ITGA9: variants seen among roughly 807,000 people sequenced by gnomAD.
ITGA9 encodes integrin subunit alpha 9.
ITGA9 carries 56 observed loss-of-function variants against 127.8 expected under a neutral mutation model. The ratio of observed to expected loss-of-function variants is 0.44; its 90% confidence interval spans 0.35 to 0.55. The LOEUF (loss-of-function observed/expected upper bound fraction) is 0.55. ITGA9 is among the 20% of genes least tolerant of loss of function. The pLI is 0.00. For missense variants in ITGA9, 1,196 were observed against 1,347.1 expected, an observed-to-expected ratio of 0.89 and a Z score of 1.76; for synonymous variants, 508 against 514.5, an observed-to-expected ratio of 0.99 and a Z score of 0.17.
chr3:37,705,996 G>A (rs1272852414), intron 18 of ITGA9, among the ~76,000 whole-genome samples: 6 of 152,206 alleles, frequency 3.9e-5, no homozygotes, highest in African/African-American at 1.4e-4. Flanking sequence ...TTCTCTTCCT[G>A]GTGGGGACTT....
intron 26 of ITGA9, among the ~76,000 whole-genome samples, chr3:37,792,412 A>G (rs1697122676): frequency 6.6e-6 from 1 of 152,172 alleles, no homozygotes; most frequent in Admixed American, 6.5e-5. Flanking sequence ...AGCCTGCTTT[A>G]GATTGGGGGT....
At chr3:37,754,648 A>G (rs1696628665) in intron 23 of ITGA9, among the ~76,000 whole-genome samples, 1 of 152,198 alleles carries the variant, frequency 6.6e-6, no homozygotes, top group Non-Finnish European at 1.5e-5. Context: ...AGATATATCA[A>G]TGTCTTTGCC....
intron 15 of ITGA9, among the ~76,000 whole-genome samples, chr3:37,587,140 G>A (rs1699766863): frequency 6.6e-6 from 1 of 152,088 alleles, no homozygotes; most frequent in Non-Finnish European, 1.5e-5. Flanking sequence ...CATTACAATA[G>A]CATCTAGTAA....
intron 17 of ITGA9, among the ~76,000 whole-genome samples, chr3:37,664,971 CTTT>C (rs34608197): frequency 7.3e-5 from 9 of 122,534 alleles, no homozygotes; most frequent in Admixed American, 8.3e-5. Context: ...GAGTAGCTGG[CTTT>C]TTTTTTTTTT....
chr3:37,701,201 A>G (rs985650316), intron 18 of ITGA9, among the ~76,000 whole-genome samples: 5 of 152,208 alleles, frequency 3.3e-5, no homozygotes, highest in African/African-American at 4.8e-5. Flanking sequence ...GGCCCTTGAT[A>G]GGGCTGGAGT....
chr3:37,554,252 G>A (rs1699407997), intron 15 of ITGA9, among the ~76,000 whole-genome samples: 1 of 152,158 alleles, frequency 6.6e-6, no homozygotes. Flanking sequence ...TGACCTCACT[G>A]ACGAGGTGTG....
chr3:37,513,585 C>T (rs111289680), intron 8 of ITGA9, among the ~76,000 whole-genome samples, 178 bp from the exon 9 acceptor site: 3 of 149,142 alleles, frequency 2.0e-5, no homozygotes, highest in Non-Finnish European at 3.0e-5. Flanking sequence ...ATCCCTCCCC[C>T]CTCCCCCAAC....
intron 21 of ITGA9, among the ~76,000 whole-genome samples, chr3:37,743,057 G>A (rs1380240611): frequency 6.6e-6 from 1 of 152,158 alleles, no homozygotes; most frequent in African/African-American, 2.4e-5. Flanking sequence ...CTTGTTGGGA[G>A]GTGTTAACAG....
intron 15 of ITGA9, among the ~76,000 whole-genome samples, chr3:37,601,884 C>T (rs763362116): frequency 6.6e-6 from 1 of 152,156 alleles, no homozygotes; most frequent in Non-Finnish European, 1.5e-5. Flanking sequence ...GCCAGGCATC[C>T]GCTTTGGGTG....
intron 15 of ITGA9, among the ~76,000 whole-genome samples, chr3:37,590,871 T>A (rs1274256677): frequency 6.6e-6 from 1 of 152,166 alleles, no homozygotes; most frequent in Non-Finnish European, 1.5e-5. Context: ...TCCACATAGA[T>A]GCAGGGCACC....
At chr3:37,668,315 CCT>C (rs1700604897) in intron 17 of ITGA9, among the ~76,000 whole-genome samples, 1 of 152,178 alleles carries the variant, frequency 6.6e-6, no homozygotes, top group Non-Finnish European at 1.5e-5. Context: ...GCTGAGTCTA[CCT>C]CACAGGTGTG....
chr3:37,471,254 C>G lies in ITGA9; in HGVS notation c.313+120C>G, dbSNP rs1698428314. 4 of 1,126,628 alleles carry G rather than the reference C, an allele frequency of 3.6e-6. 1 individual carries two copies. The highest frequency in any genetic ancestry group is 3.0e-5 in the African/African-American group (2 of 65,686). 69.8% of individuals were successfully genotyped at this position (1,126,628 alleles called of 1,614,324 possible). ...TCCATCCTTCCCTCCTTCCCTCCCTCCTTCTCTCCAACAAGCATGTATTGA... is the reference window on the plus strand; with the variant it reads ...TCCATCCTTCCCTCCTTCCCTCCCTGCTTCTCTCCAACAAGCATGTATTGA... On this transcript the variant is annotated intron_variant, in intron 2 of 27. Transcript: ENST00000264741.
intron 18 of ITGA9, among the ~76,000 whole-genome samples, chr3:37,716,966 G>A (rs1344888789): frequency 6.6e-6 from 1 of 152,094 alleles, no homozygotes; most frequent in Admixed American, 6.6e-5. Context: ...TTCTAATTGC[G>A]TATTGATCAC....
intron 8 of ITGA9, among the ~76,000 whole-genome samples, chr3:37,512,821 A>G (rs1456295688): frequency 1.3e-5 from 2 of 151,864 alleles, no homozygotes; most frequent in South Asian, 2.1e-4. Context: ...ACCACTCCCT[A>G]TTGTTATGTA....
chr3:37,628,228 G>T lies in ITGA9; in HGVS notation c.1690-959G>T, dbSNP rs181647170. Reference sequence around the variant, plus strand: ...CTTTCCTTTGACACGTCTCAGACTTGCCCTGCTCCACTTGGAAGTCCTTGG... The same window carrying T: ...CTTTCCTTTGACACGTCTCAGACTTTCCCTGCTCCACTTGGAAGTCCTTGG... On this transcript the variant is annotated intron_variant, in intron 15 of 27. Transcript: ENST00000264741. Among the ~76,000 whole-genome samples the T allele has an allele frequency of 8.7e-3, 1,320 of 152,080 alleles. 14 individuals carry two copies. The highest frequency in any genetic ancestry group is 8.8e-3 in the Non-Finnish European group (597 of 67,978).
chr3:37,542,386 C>G lies in ITGA9; in HGVS notation c.1529-39C>G, dbSNP rs150893934. On this transcript the variant is annotated intron_variant, in intron 14 of 27. Transcript: ENST00000264741. ...AAGAGGTGGCCTCATCACAGTGTGT[C>G]GGTCCTTTCTGACATTTTGACCTCT... The G allele has an allele frequency of 1.9e-5, 31 of 1,609,472 alleles. No individual in the cohort carries two copies. In the African/African-American group the frequency reaches 2.4e-4, roughly 12 times the overall value.
intron 26 of ITGA9, among the ~76,000 whole-genome samples, chr3:37,801,822 G>A (rs959068823): frequency 3.3e-5 from 5 of 152,166 alleles, no homozygotes; most frequent in African/African-American, 7.2e-5. Flanking sequence ...CTGTCTTGCG[G>A]ATGAGAAAAC....
At chr3:37,773,612 T>C (rs1467109692) in intron 23 of ITGA9, among the ~76,000 whole-genome samples, 2 of 151,696 alleles carry the variant, frequency 1.3e-5, no homozygotes, top group Non-Finnish European at 2.9e-5. Flanking sequence ...GCCAACTTAA[T>C]AGGAATCAGA....
chr3:37,749,988 T>G (rs1696561049), intron 22 of ITGA9, among the ~76,000 whole-genome samples: 1 of 152,050 alleles, frequency 6.6e-6, no homozygotes, highest in Non-Finnish European at 1.5e-5. Flanking sequence ...TAAATATGAA[T>G]CTGCCAGCCC....
Sources: allele counts gnomAD v4.1 joint callset (sites outside exome capture counted in the v4.1 genomes callset), GRCh38; gene constraint gnomAD v4.1.1; transcripts MANE v1.5; gene names NCBI Gene and HGNC (gene_info 2026-07-23, HGNC 2026-07-21).